The following CSMD1 variants were observed in gnomAD, a reference collection of about 807,000 sequenced individuals.
CSMD1 encodes CUB and sushi domain-containing protein 1.
In CSMD1, 213 loss-of-function variants were observed where a neutral mutation model predicts 417.5. That is an observed-to-expected ratio of 0.51 (90% CI 0.46 to 0.57). CSMD1 has a LOEUF of 0.57. CSMD1 is among the 20% of genes least tolerant of loss of function. The pLI, the probability that CSMD1 is intolerant of heterozygous loss-of-function variation, is 0.00. For missense variants in CSMD1, 6,923 were observed against 4,529.7 expected (o/e 1.53, Z -15.17); for synonymous variants, 2,862 against 1,736.8 (o/e 1.65, Z -16.11).
chr8:4,138,719 T>C (rs536246174), intron 3 of CSMD1, among the ~76,000 whole-genome samples: 1 of 152,202 alleles, frequency 6.6e-6, no homozygotes, highest in East Asian at 1.9e-4. Flanking sequence ...ATTTTTTAAG[T>C]GCCAATTTAA....
At chr8:3,438,126 C>T (rs1448594353) in intron 12 of CSMD1, among the ~76,000 whole-genome samples, 3 of 152,274 alleles carry the variant, frequency 2.0e-5, no homozygotes, top group East Asian at 1.9e-4. Flanking sequence ...TCAGGTCCAT[C>T]TGTGATTTGG....
At chr8:3,996,217 G>A (rs1051903799) in intron 5 of CSMD1, among the ~76,000 whole-genome samples, 4 of 152,126 alleles carry the variant, frequency 2.6e-5, no homozygotes, top group Non-Finnish European at 5.9e-5. Flanking sequence ...CATCTTACTA[G>A]CAAGGTGTGC....
rs528802823 is a variant in CSMD1 at position 3,263,223 on chromosome 8, C to T, written c.4153+20921G>A. Among the ~76,000 whole-genome samples, 22 of 152,280 alleles carry T rather than the reference C, an allele frequency of 1.4e-4. No homozygotes were observed. The East Asian group carries it at 2.9e-3, about 20-fold the overall frequency. Reference sequence around the variant, plus strand: ...AAGCGATTCTCCTGCCTCAGCCTCCCGAGTACCTGGGATTACAGGTGTGTG... The same window carrying T: ...AAGCGATTCTCCTGCCTCAGCCTCCTGAGTACCTGGGATTACAGGTGTGTG... On this transcript the variant is annotated intron_variant, in intron 26 of 69. Transcript: ENST00000635120.
chr8:3,243,822 T>C lies in CSMD1; in HGVS notation c.4154-13591A>G, dbSNP rs143989494. ...ATATAATTATATGATGAATATTATA[T>C]TTATATGTATATGCAAAGTTTTGTT... On this transcript the variant is annotated intron_variant, in intron 26 of 69. Coordinates refer to ENST00000635120, the MANE Select transcript of CSMD1 (RefSeq NM_033225.6). 2.7e-3 allele frequency among the ~76,000 whole-genome samples: 407 copies of C among 148,580 alleles called. 4 individuals carry two copies. Among genetic ancestry groups the C allele is most frequent in the African/African-American group, 1.0e-2 (384 of 38,566 alleles).
intron 3 of CSMD1, among the ~76,000 whole-genome samples, chr8:4,055,398 A>G (rs1798640215): frequency 6.6e-6 from 1 of 152,028 alleles, no homozygotes; most frequent in Non-Finnish European, 1.5e-5. Context: ...GATTAATCCA[A>G]TACATATTTT....
rs186058685 is a variant in CSMD1, at chr8:3,407,911, T to C, written c.2059A>G (p.Ile687Val). 1 of 1,609,822 alleles carries C rather than the reference T, an allele frequency of 6.2e-7. No individual in the cohort carries two copies. Among genetic ancestry groups the C allele is most frequent in the East Asian group, 2.2e-5 (1 of 44,780 alleles). ...TGGGCGTACTTACTGGTGTAAGTGA[T>C]GTTGAACCCTCTGCCAGTAGTGGAA... ...DHSTTGRGFN[I>V]TYTTFGQNEC... Residue 687 changes from isoleucine to valine, a missense_variant, in exon 14 of 70, where the codon ATC (isoleucine) becomes GTC (valine). Ile to Val is a conservative substitution (Grantham distance 29). Transcript: ENST00000635120.
At chr8:2,975,475 C>T (rs1222024324) in intron 55 of CSMD1, among the ~76,000 whole-genome samples, 3 of 152,152 alleles carry the variant, frequency 2.0e-5, no homozygotes, top group East Asian at 3.9e-4. Context: ...TAACGAGACA[C>T]CCAGAAGGGT....
intron 1 of CSMD1, among the ~76,000 whole-genome samples, chr8:4,846,749 G>A (rs774211684): frequency 3.3e-5 from 5 of 152,068 alleles, no homozygotes; most frequent in Non-Finnish European, 5.9e-5. Flanking sequence ...TTGCTTCCCA[G>A]GTCAAGGGTA....
intron 3 of CSMD1, among the ~76,000 whole-genome samples, chr8:4,117,724 T>C (rs1802239319): frequency 6.6e-6 from 1 of 152,114 alleles, no homozygotes; most frequent in Non-Finnish European, 1.5e-5. Flanking sequence ...CACATAGCTT[T>C]TAGAGAAGTA....
At chr8:4,739,171 T>C (rs976376426) in intron 1 of CSMD1, among the ~76,000 whole-genome samples, 7 of 152,168 alleles carry the variant, frequency 4.6e-5, no homozygotes, top group Non-Finnish European at 1.0e-4. Context: ...TAATAGCTCA[T>C]TTTAGATCCC....
At chr8:4,548,905 T>G (rs1797746330) in intron 2 of CSMD1, among the ~76,000 whole-genome samples, 1 of 152,204 alleles carries the variant, frequency 6.6e-6, no homozygotes, top group Middle Eastern at 3.2e-3. Context: ...TTTAGAATCC[T>G]GTTACCTTGG....
chr8:4,651,681 A>T (rs1803904878), intron 1 of CSMD1, among the ~76,000 whole-genome samples: 1 of 152,166 alleles, frequency 6.6e-6, no homozygotes, highest in Non-Finnish European at 1.5e-5. Flanking sequence ...CAGGTATATG[A>T]TGATATTCTG....
At chr8:3,397,888 T>C (rs1157622592) in intron 16 of CSMD1, among the ~76,000 whole-genome samples, 1 of 152,138 alleles carries the variant, frequency 6.6e-6, no homozygotes, top group Non-Finnish European at 1.5e-5. Context: ...CACAATCCCA[T>C]CCTTTAAGGT....
At chr8:3,115,205 C>A (rs3053039) in intron 42 of CSMD1, among the ~76,000 whole-genome samples, 4 of 104,642 alleles carry the variant, frequency 3.8e-5, no homozygotes, top group South Asian at 7.3e-4. Context: ...CCCCCCCCCC[C>A]CTTTTTTTTT....
At chr8:4,428,013 G>C (rs1189467828) in intron 2 of CSMD1, among the ~76,000 whole-genome samples, 1 of 152,164 alleles carries the variant, frequency 6.6e-6, no homozygotes, top group Non-Finnish European at 1.5e-5. Context: ...ATTCCAAGTA[G>C]CTACTGTACT....
At position 4,082,559 on chromosome 8, in the gene CSMD1, G is replaced by T. The variant is rs191903485; in HGVS notation, c.416-50460C>A. Among the ~76,000 whole-genome samples the T allele has an allele frequency of 1.2e-3, 179 of 152,172 alleles. 1 individual carries two copies. The East Asian group carries it at 0.02, about 17-fold the overall frequency. Reference sequence around the variant, plus strand: ...ACACACAAAAACAAACAAAATTACAGACCCCGCTTCATTATGAGCCTAGAA... The same window carrying T: ...ACACACAAAAACAAACAAAATTACATACCCCGCTTCATTATGAGCCTAGAA... On this transcript the variant is annotated intron_variant, in intron 3 of 69. Transcript: ENST00000635120.
chr8:4,103,495 T>C (rs1032059515), intron 3 of CSMD1, among the ~76,000 whole-genome samples: 12 of 150,502 alleles, frequency 8.0e-5, no homozygotes, highest in South Asian at 6.2e-4. Context: ...TATATATAAA[T>C]AAACATATAA....
intron 5 of CSMD1, among the ~76,000 whole-genome samples, chr8:3,947,088 A>G (rs978010354): frequency 6.6e-6 from 1 of 152,108 alleles, no homozygotes; most frequent in Non-Finnish European, 1.5e-5. Flanking sequence ...GTAAAAGTGG[A>G]TATTATTTTT....
chr8:4,057,499 C>T (rs77500874), intron 3 of CSMD1, among the ~76,000 whole-genome samples: 131,415 of 152,018 alleles, frequency 0.86, 57,419 homozygotes, highest in South Asian at 0.94. Flanking sequence ...TTCATTCTGA[C>T]GGTAGTTTGT....
Sources: gnomAD v4.1 joint callset for allele counts (sites outside exome capture counted in the v4.1 genomes callset) on GRCh38, gnomAD v4.1.1 for gene constraint, MANE v1.5 for transcripts, NCBI Gene and HGNC (gene_info 2026-07-23, HGNC 2026-07-21) for gene names.